Variants in FKTN observed in about 807,000 individuals in gnomAD.
FKTN encodes the protein fukutin.
FKTN carries 47 observed loss-of-function variants against 58.6 expected under a neutral mutation model. The ratio of observed to expected loss-of-function variants is 0.80; its 90% CI spans 0.63 to 1.02. The LOEUF (loss-of-function observed/expected upper bound fraction) is 1.02, where lower values mean the gene tolerates loss of function less well. FKTN is among the 50% of genes least tolerant of loss of function. The pLI, the probability that FKTN is intolerant of heterozygous loss-of-function variation, is 0.00. For missense variants in FKTN, 516 were observed against 537.3 expected, an observed-to-expected ratio of 0.96 and a Z score of 0.39; for synonymous variants, 178 against 191.9, an observed-to-expected ratio of 0.93 and a Z score of 0.60.
At chr9:105,567,717 C>A (rs1839933920) in intron 1 of FKTN, among the ~76,000 whole-genome samples, 1 of 152,132 alleles carries the variant, frequency 6.6e-6, no homozygotes, top group Non-Finnish European at 1.5e-5. Context: ...CCATACTGCC[C>A]AAGGTAATTT....
chr9:105,559,146 G>C (rs1837776588), intron 1 of FKTN, among the ~76,000 whole-genome samples: 1 of 152,198 alleles, frequency 6.6e-6, no homozygotes, highest in South Asian at 2.1e-4. Context: ...TGGGAATTCT[G>C]TTGAATTCCA....
chr9:105,581,140 A>T (rs1170180820), intron 3 of FKTN, among the ~76,000 whole-genome samples: 2 of 149,252 alleles, frequency 1.3e-5, no homozygotes, highest in Non-Finnish European at 3.0e-5. Flanking sequence ...GAGTAATTTG[A>T]TCGTCTGAAG....
chr9:105,599,596 C>T lies in FKTN; in HGVS notation c.166-1549C>T, dbSNP rs565604660. Among the ~76,000 whole-genome samples, 44 of 151,640 alleles carry T rather than the reference C, an allele frequency of 2.9e-4. 1 individual carries two copies. The highest frequency in any genetic ancestry group is 9.0e-4 in the African/African-American group (37 of 41,318). On this transcript the variant is annotated intron_variant, in intron 4 of 10. Transcript: ENST00000357998. ...TCGGCTCACTGCAACCTCCACCTCC[C>T]GGGTTCAAGTGATTCTCCTGCCTCA...
At chr9:105,609,721 A>G (rs2132954253) in intron 7 of FKTN, among the ~76,000 whole-genome samples, 1 of 152,222 alleles carries the variant, frequency 6.6e-6, no homozygotes, top group Middle Eastern at 3.4e-3. Context: ...TTTAGGTTAT[A>G]CTTCTTTAGA....
chr9:105,598,367 G>T (rs1827212873), intron 4 of FKTN: 1 of 188,208 alleles, frequency 5.3e-6, no homozygotes, highest in Non-Finnish European at 1.1e-5. Flanking sequence ...AAAATTCTAG[G>T]GCTCAATGTT....
intron 1 of FKTN, among the ~76,000 whole-genome samples, chr9:105,563,661 G>C (rs895334840): frequency 2.6e-5 from 4 of 152,052 alleles, no homozygotes; most frequent in Admixed American, 6.5e-5. Flanking sequence ...CGGGAAGCTC[G>C]AACTGGGTGG....
chr9:105,605,480 A>G (rs1828725912), intron 6 of FKTN, among the ~76,000 whole-genome samples: 1 of 152,186 alleles, frequency 6.6e-6, no homozygotes, highest in Non-Finnish European at 1.5e-5. Flanking sequence ...ATTAGGAATA[A>G]TATAACCACT....
Position 105,637,697 on chromosome 9 carries a change from G to A in FKTN, c.*2433G>A, listed in dbSNP as rs886063329. 9.1e-5 allele frequency: 90 copies of A among 985,268 alleles called. No individual in the cohort carries two copies. The highest frequency in any genetic ancestry group is 4.7e-5 in the Non-Finnish European group (39 of 829,928). 61.0% of individuals were successfully genotyped at this position (985,268 alleles called of 1,614,324 possible). A position where few individuals can be genotyped will look rare whatever the true frequency, so the allele number is the denominator to read the frequency against. The stretch of plus-strand genomic sequence containing the variant: ...TAGTTTACCTGGCTTACCTGGGGAA[G>A]TTGACAACTTGTTGGTAGTTAGGCA... On this transcript the variant is annotated 3_prime_UTR_variant, in exon 11 of 11. Transcript: ENST00000357998.
Position 105,565,256 on chromosome 9 carries a change from G to C in FKTN, c.-181+7091G>C, listed in dbSNP as rs535549589. ...CTGCATCAACTAACGAGGAAAATCA[G>C]CAGCTAACATCATAATGACAGGATC... On this transcript the variant is annotated intron_variant, in intron 1 of 10. Coordinates refer to ENST00000357998, the MANE Select transcript of FKTN (RefSeq NM_001079802.2). Among the ~76,000 whole-genome samples, 1,372 of 152,194 alleles carry C rather than the reference G, an allele frequency of 9.0e-3. 22 individuals are homozygous for C. The highest frequency in any genetic ancestry group is 0.032 in the African/African-American group (1,314 of 41,484).
At chr9:105,590,067 C>T (rs2518123) in intron 3 of FKTN, among the ~76,000 whole-genome samples, 107,845 of 152,028 alleles carry the variant, frequency 0.71, 38,988 homozygotes, top group African/African-American at 0.85. Context: ...AAACAAGTAG[C>T]CTGGCCACTT....
chr9:105,613,361 T>A lies in FKTN; in HGVS notation c.781-1917T>A, dbSNP rs572464817. Among the ~76,000 whole-genome samples, 169 of 152,342 alleles carry A rather than the reference T, an allele frequency of 1.1e-3. 1 individual carries two copies. The highest frequency in any genetic ancestry group is 1.7e-3 in the Non-Finnish European group (113 of 68,020). On this transcript the variant is annotated intron_variant, in intron 7 of 10. Transcript: ENST00000357998. The stretch of plus-strand genomic sequence containing the variant: ...AAGGGATGTATTCAAATTGAAGGGA[T>A]CCTGTGTAATTTGTATATTCTGTAG...
chr9:105,566,732 A>G (rs1839695415), intron 1 of FKTN, among the ~76,000 whole-genome samples: 1 of 152,246 alleles, frequency 6.6e-6, no homozygotes, highest in Non-Finnish European at 1.5e-5. Context: ...AGGAGCTGGT[A>G]CCATTCCTTC....
chr9:105,571,184 G>A lies in FKTN; in HGVS notation c.-180-2471G>A, dbSNP rs373452073. 5.3e-5 allele frequency among the ~76,000 whole-genome samples: 8 copies of A among 152,216 alleles called. No individual in the cohort carries two copies. In the South Asian group the frequency reaches 1.4e-3, roughly 28 times the overall value. ...GTGGATACAGAGAAAGTGGAGACAG[G>A]GACATCAGTTAAAATTAGGACATTA... On this transcript the variant is annotated intron_variant, in intron 1 of 10. Coordinates refer to ENST00000357998, the MANE Select transcript of FKTN (RefSeq NM_001079802.2).
intron 10 of FKTN, among the ~76,000 whole-genome samples, chr9:105,623,389 C>A (rs919893139): frequency 2.0e-5 from 3 of 152,080 alleles, no homozygotes; most frequent in Non-Finnish European, 4.4e-5. Context: ...TGAGTCAGAC[C>A]TAGGTGTGTA....
intron 10 of FKTN, among the ~76,000 whole-genome samples, chr9:105,621,717 A>G (rs1377770500): frequency 6.6e-6 from 1 of 152,076 alleles, no homozygotes; most frequent in Non-Finnish European, 1.5e-5. Context: ...TTTTCCTCAC[A>G]TAGCTATGTA....
intron 10 of FKTN, among the ~76,000 whole-genome samples, chr9:105,632,418 A>G (rs1003589564): frequency 1.2e-4 from 14 of 118,028 alleles, no homozygotes; most frequent in South Asian, 2.4e-4. Flanking sequence ...TAAAAGTATA[A>G]TAAAAAAAAA....
chr9:105,639,503 C>T lies in FKTN; in HGVS notation c.*4239C>T. 2 of 810,902 alleles carry T rather than the reference C, an allele frequency of 2.5e-6. No individual in the cohort carries two copies. Among genetic ancestry groups the T allele is most frequent in the South Asian group, 1.1e-4 (2 of 17,666 alleles). The allele number at this position is 810,902 out of a possible 1,614,324, so 50.2% of individuals were successfully genotyped here. On this transcript the variant is annotated 3_prime_UTR_variant, in exon 11 of 11. Transcript: ENST00000357998. ...GAAGTATACAGTTCTTAGCCTCAGG[C>T]CTAGGATTAAGTAAGTACTCAAGAA... is the stretch of plus-strand genomic sequence containing the variant.
In FKTN at chr9:105,636,710, T is replaced by C. The variant is rs1312246010; in HGVS notation, c.*1446T>C. 1.5e-6 allele frequency: 2 copies of C among 1,298,440 alleles called. No individual in the cohort carries two copies. Among genetic ancestry groups the C allele is most frequent in the Non-Finnish European group, 2.0e-6 (2 of 984,692 alleles). The allele number at this position is 1,298,440 out of a possible 1,614,324, so 80.4% of individuals were successfully genotyped here. A position where few individuals can be genotyped will look rare whatever the true frequency, so the allele number is the denominator to read the frequency against. On this transcript the variant is annotated 3_prime_UTR_variant, in exon 11 of 11. Transcript: ENST00000357998. ...AATCTTATATCTTATCTATGCTATT[T>C]AGGACTACTTTCTGGAGCTTGGCAG...
intron 3 of FKTN, among the ~76,000 whole-genome samples, chr9:105,587,179 A>C (rs974953099): frequency 6.6e-6 from 1 of 152,102 alleles, no homozygotes; most frequent in Non-Finnish European, 1.5e-5. Context: ...ACTTAGTCCA[A>C]TGAGCAGCAC....
Sources: gnomAD v4.1 joint callset for allele counts (sites outside exome capture counted in the v4.1 genomes callset) on GRCh38, gnomAD v4.1.1 for gene constraint, MANE v1.5 for transcripts, NCBI Gene and HGNC (gene_info 2026-07-23, HGNC 2026-07-21) for gene names.